The following PCDHGC4 variants were observed in gnomAD, a reference collection of about 807,000 sequenced individuals.
The protein encoded by PCDHGC4 is protocadherin gamma subfamily C, 4.
PCDHGC4 carries 15 observed loss-of-function variants against 59.7 expected under a neutral mutation model. The observed-to-expected ratio is 0.25, with a 90% confidence interval of 0.17 to 0.39. The LOEUF is 0.39. PCDHGC4 is among the 10% of genes least tolerant of loss of function. The probability of loss-of-function intolerance (pLI) is 1.00; values close to 1 mark genes in which losing one functional copy is unlikely to be tolerated. For synonymous variants in PCDHGC4, 434 were observed against 481.4 expected, an observed-to-expected ratio of 0.90 and a Z score of 1.29; for missense variants, 1,016 against 1,189.5, an observed-to-expected ratio of 0.85 and a Z score of 2.15.
Position 141,490,365 on chromosome 5 carries a change from A to G in PCDHGC4, c.2442+2750A>G. The G allele has an allele frequency of 6.2e-7, 1 of 1,614,170 alleles. No individual in the cohort carries two copies. The highest frequency in any genetic ancestry group is 8.5e-7 in the Non-Finnish European group (1 of 1,180,030). On this transcript the variant is annotated intron_variant, in intron 1 of 3. Coordinates refer to ENST00000306593, the MANE Select transcript of PCDHGC4 (RefSeq NM_018928.3). The surrounding 1 kb of genome is among the most constrained non-coding windows in gnomAD (Gnocchi z 5.4). ...CAGTAGTGGGGTTGTTTAATGTGCG[A>G]GACCGGGACTCAGGTAGAAATGGTG...
intron 2 of PCDHGC4, among the ~76,000 whole-genome samples, chr5:141,501,287 TTA>T (rs1491235092): frequency 6.2e-5 from 6 of 96,980 alleles, no homozygotes; most frequent in African/African-American, 2.5e-4. Context: ...GGATATTCCC[TTA>T]TACACACACA....
Position 141,486,676 on chromosome 5 carries a change from T to A in PCDHGC4, c.1503T>A (p.Asp501Glu), listed in dbSNP as rs375080564. The change falls in exon 1 of 4, where the codon GAT becomes GAA. Residue 501 changes from aspartate to glutamate, a missense_variant. Coordinates refer to ENST00000306593, the MANE Select transcript of PCDHGC4 (RefSeq NM_018928.3). This position sits in a 1 kb window ranked among gnomAD's most constrained non-coding sequence, Gnocchi z 5.0. ...CACTCCTGGAGCCCAGGAATCGAGA[T>A]GTATCAGCTTCCTCTTTCATCTCTC... ...SYSLLEPRNRDVSASSFISLN... is the reference protein window; with the variant it reads ...SYSLLEPRNREVSASSFISLN... 3 of 1,614,002 alleles carry A rather than the reference T, an allele frequency of 1.9e-6. No homozygotes were observed. The highest frequency in any genetic ancestry group is 2.5e-6 in the Non-Finnish European group (3 of 1,180,036).
rs751214480 is a variant in PCDHGC4, at chr5:141,485,161, G to A, written c.-13G>A. ...CGTCTCAGGAGCAAGTAGAGAATTA[G>A]CGGGCGGCAGCAATGCTCCGCAAGG... On this transcript the variant is annotated 5_prime_UTR_variant, in exon 1 of 4. Transcript: ENST00000306593. The surrounding 1 kb of genome is among the most constrained non-coding windows in gnomAD (Gnocchi z 5.7). The A allele has an allele frequency of 8.1e-6, 13 of 1,603,712 alleles. No individual in the cohort carries two copies. The Admixed American group carries it at 2.0e-4, about 25-fold the overall frequency.
chr5:141,509,086 A>T lies in PCDHGC4; in HGVS notation c.2591-1861A>T, dbSNP rs147084289. On this transcript the variant is annotated intron_variant, in intron 3 of 3. Coordinates refer to ENST00000306593, the MANE Select transcript of PCDHGC4 (RefSeq NM_018928.3). ...CAGCTCCGGGGATTTGCGACATGAAATGGGGGCTGTAGAAACCTGAGCGCT... is the reference window on the plus strand; with the variant it reads ...CAGCTCCGGGGATTTGCGACATGAATTGGGGGCTGTAGAAACCTGAGCGCT... 8.3e-3 allele frequency among the ~76,000 whole-genome samples: 1,261 copies of T among 152,228 alleles called. 7 individuals are homozygous for T. Among genetic ancestry groups the T allele is most frequent in the Middle Eastern group, 0.037 (11 of 294 alleles).
chr5:141,494,386 T>G (rs2099753905), intron 1 of PCDHGC4, among the ~76,000 whole-genome samples: 1 of 152,198 alleles, frequency 6.6e-6, no homozygotes, highest in African/African-American at 2.4e-5. Context: ...GCTGAGGAGT[T>G]GAATAAATTC....
intron 2 of PCDHGC4, among the ~76,000 whole-genome samples, chr5:141,500,901 G>A (rs984072329): frequency 7.6e-5 from 11 of 144,582 alleles, no homozygotes; most frequent in African/African-American, 2.6e-4. Flanking sequence ...AGACAGTCTC[G>A]CTCTGTCTCC....
intron 1 of PCDHGC4, among the ~76,000 whole-genome samples, chr5:141,492,435 C>T (rs191116850): frequency 8.5e-5 from 13 of 152,348 alleles, no homozygotes; most frequent in Admixed American, 8.5e-4. Context: ...CTCAGGAGTA[C>T]TCGTAGCTGA....
chr5:141,500,521 A>T lies in PCDHGC4; in HGVS notation c.2502-4872A>T, dbSNP rs185546944. 3.7e-3 allele frequency among the ~76,000 whole-genome samples: 560 copies of T among 152,176 alleles called. 5 individuals are homozygous for T. Among genetic ancestry groups the T allele is most frequent in the Admixed American group, 0.011 (162 of 15,280 alleles). On this transcript the variant is annotated intron_variant, in intron 2 of 3. Coordinates refer to ENST00000306593, the MANE Select transcript of PCDHGC4 (RefSeq NM_018928.3). Reference sequence around the variant, plus strand: ...ACCGCGCCTGGCCGAGCTTCATTTTAAAAAAATCTCATTCACCTAAATAAG... The same window carrying T: ...ACCGCGCCTGGCCGAGCTTCATTTTTAAAAAATCTCATTCACCTAAATAAG...
chr5:141,490,130 C>A lies in PCDHGC4; in HGVS notation c.2442+2515C>A, dbSNP rs535362535. On this transcript the variant is annotated intron_variant, in intron 1 of 3. Coordinates refer to ENST00000306593, the MANE Select transcript of PCDHGC4 (RefSeq NM_018928.3). The surrounding 1 kb of genome is among the most constrained non-coding windows in gnomAD (Gnocchi z 5.4). ...GTGCGGAACCTCTTTGGCCTAGACC[C>A]TAGCAGTGGGGCAATCCATGTGTTG... 11 of 1,614,242 alleles carry A rather than the reference C, an allele frequency of 6.8e-6. No individual in the cohort carries two copies. In the African/African-American group the frequency reaches 1.3e-4, roughly 20 times the overall value.
At chr5:141,503,598 CAAAAAAA>C (rs765754054) in intron 2 of PCDHGC4, among the ~76,000 whole-genome samples, 8 of 65,766 alleles carry the variant, frequency 1.2e-4, no homozygotes, top group South Asian at 1.1e-3. Context: ...GACTCCAGCT[CAAAAAAA>C]AAAAAAAAAG....
rs1330659052 is a variant in PCDHGC4, at chr5:141,490,012, G to T, written c.2442+2397G>T. On this transcript the variant is annotated intron_variant, in intron 1 of 3. Transcript: ENST00000306593. The surrounding 1 kb of genome is among the most constrained non-coding windows in gnomAD (Gnocchi z 5.4). ...GGGAATCCCAGAGAATGCACCCATT[G>T]GTACTCTGCTGCTCCGCCTCAATGC... The T allele has an allele frequency of 1.2e-6, 2 of 1,614,232 alleles. No homozygotes were observed. Among genetic ancestry groups the T allele is most frequent in the East Asian group, 4.5e-5 (2 of 44,888 alleles).
intron 3 of PCDHGC4, among the ~76,000 whole-genome samples, chr5:141,507,617 C>T (rs1366723844): frequency 6.6e-6 from 1 of 152,278 alleles, no homozygotes; most frequent in African/African-American, 2.4e-5. Context: ...GTATATTTAG[C>T]TGTTGTGGCC....
Position 141,490,600 on chromosome 5 carries a change from T to G in PCDHGC4, c.2442+2985T>G. 6.2e-7 allele frequency: 1 copy of G among 1,614,164 alleles called. No homozygotes were observed. Among genetic ancestry groups the G allele is most frequent in the South Asian group, 1.1e-5 (1 of 91,072 alleles). ...AGATGTCAATGACAATGCACCCCGCTTCAACCAGCAGCTTTACACTGCTTA... is the reference window on the plus strand; with the variant it reads ...AGATGTCAATGACAATGCACCCCGCGTCAACCAGCAGCTTTACACTGCTTA... On this transcript the variant is annotated intron_variant, in intron 1 of 3. Coordinates refer to ENST00000306593, the MANE Select transcript of PCDHGC4 (RefSeq NM_018928.3). The surrounding 1 kb of genome is among the most constrained non-coding windows in gnomAD (Gnocchi z 5.4).
chr5:141,498,146 G>A (rs924380243), intron 2 of PCDHGC4, among the ~76,000 whole-genome samples: 1 of 152,200 alleles, frequency 6.6e-6, no homozygotes, highest in Non-Finnish European at 1.5e-5. Context: ...GGACATCCTG[G>A]AAATGAAGTT....
At position 141,486,460 on chromosome 5, in the gene PCDHGC4, T is replaced by A. The variant is rs1218788640; in HGVS notation, c.1287T>A (p.Asp429Glu). 6.2e-7 allele frequency: 1 copy of A among 1,614,146 alleles called. No individual in the cohort carries two copies. Among genetic ancestry groups the A allele is most frequent in the South Asian group, 1.1e-5 (1 of 91,082 alleles). Residue 429 changes from aspartate (D) to glutamate (E), a missense_variant, in exon 1 of 4, where the codon GAT (aspartate) becomes GAA (glutamate). Coordinates refer to ENST00000306593, the MANE Select transcript of PCDHGC4 (RefSeq NM_018928.3). The surrounding 1 kb of genome is among the most constrained non-coding windows in gnomAD (Gnocchi z 5.0). ...SSYDIMVTAS[D>E]AGNPPLSTHR... Reference sequence around the variant, plus strand: ...ATGACATCATGGTCACTGCTTCTGATGCTGGGAACCCTCCTCTCAGTACCC... The same window carrying A: ...ATGACATCATGGTCACTGCTTCTGAAGCTGGGAACCCTCCTCTCAGTACCC...
chr5:141,485,601 G>T lies in PCDHGC4; in HGVS notation c.428G>T (p.Gly143Val), dbSNP rs762783104. The change falls in exon 1 of 4, where the codon GGG becomes GTG. Residue 143 changes from glycine (G) to valine (V), a missense_variant. Transcript: ENST00000306593. The surrounding 1 kb of genome is among the most constrained non-coding windows in gnomAD (Gnocchi z 5.7). ...CGGCAGCAGCTGGACTTGGAAATTG[G>T]GGAGGCAGCTCCTCCAGGACAGCGT... ...FPRQQLDLEI[G>V]EAAPPGQRFP... The T allele has an allele frequency of 3.1e-6, 5 of 1,612,290 alleles. No individual in the cohort carries two copies. Among genetic ancestry groups the T allele is most frequent in the Non-Finnish European group, 4.2e-6 (5 of 1,178,722 alleles).
Position 141,485,428 on chromosome 5 carries a change from C to T in PCDHGC4, c.255C>T (p.Leu85=), listed in dbSNP as rs2099613200. ...FRVDLDSGAL[L]IKNPIDREAL... Reference sequence around the variant, plus strand: ...TGGATTTGGACAGCGGAGCCCTGCTCATCAAGAACCCAATCGACCGAGAGG... The same window carrying T: ...TGGATTTGGACAGCGGAGCCCTGCTTATCAAGAACCCAATCGACCGAGAGG... Residue 85 remains leucine, a synonymous_variant, in exon 1 of 4, where the codon CTC becomes CTT. Transcript: ENST00000306593. The surrounding 1 kb of genome is among the most constrained non-coding windows in gnomAD (Gnocchi z 5.7). The T allele has an allele frequency of 2.5e-6, 4 of 1,614,160 alleles. No homozygotes were observed. The highest frequency in any genetic ancestry group is 3.4e-6 in the Non-Finnish European group (4 of 1,180,022).
In PCDHGC4 at chr5:141,490,274, A is replaced by G. The variant is rs1285515971; in HGVS notation, c.2442+2659A>G. The G allele has an allele frequency of 6.2e-7, 1 of 1,614,228 alleles. No individual in the cohort carries two copies. Among genetic ancestry groups the G allele is most frequent in the Non-Finnish European group, 8.5e-7 (1 of 1,180,038 alleles). On this transcript the variant is annotated intron_variant, in intron 1 of 3. Transcript: ENST00000306593. This position sits in a 1 kb window ranked among gnomAD's most constrained non-coding sequence, Gnocchi z 5.4. ...CAAGTGGATGTGGGGGATGTCAATGACAATGCCCCAGAGGTGCTATTGGCC... is the reference window on the plus strand; with the variant it reads ...CAAGTGGATGTGGGGGATGTCAATGGCAATGCCCCAGAGGTGCTATTGGCC...
At chr5:141,492,778 G>A (rs2099743821) in intron 1 of PCDHGC4, among the ~76,000 whole-genome samples, 1 of 152,250 alleles carries the variant, frequency 6.6e-6, no homozygotes, top group South Asian at 2.1e-4. Context: ...GAGTGAGTGA[G>A]CCTCTATAGG....
Sources: allele counts gnomAD v4.1 joint callset (sites outside exome capture counted in the v4.1 genomes callset), GRCh38; gene constraint gnomAD v4.1.1; non-coding constraint Gnocchi (gnomAD v3.1); transcripts MANE v1.5; gene names NCBI Gene and HGNC (gene_info 2026-07-23, HGNC 2026-07-21).